COLEC12: variants seen among roughly 807,000 people sequenced by gnomAD.
COLEC12 encodes the protein collectin subfamily member 12, also known as collectin-12.
Under a neutral mutation model 71.1 loss-of-function variants are expected in COLEC12, and 33 were observed. The ratio of observed to expected loss-of-function variants is 0.46; its 90% confidence interval spans 0.35 to 0.62. The LOEUF (loss-of-function observed/expected upper bound fraction) is 0.62. Ranked by LOEUF, COLEC12 falls within the 20% of genes least tolerant of loss-of-function variation. The pLI is 0.00. For missense variants in COLEC12, 765 were observed against 916.1 expected, an observed-to-expected ratio of 0.84 and a Z score of 2.13; for synonymous variants, 350 against 353.0, an observed-to-expected ratio of 0.99 and a Z score of 0.10.
At chr18:383,698 T>C (rs893774112) in intron 2 of COLEC12, among the ~76,000 whole-genome samples, 1 of 152,144 alleles carries the variant, frequency 6.6e-6, no homozygotes, top group African/African-American at 2.4e-5. Context: ...TACCTGGGTA[T>C]CCATCAACGC....
intron 3 of COLEC12, among the ~76,000 whole-genome samples, chr18:350,240 A>G (rs1914480858): frequency 6.6e-6 from 1 of 152,160 alleles, no homozygotes; most frequent in Admixed American, 6.5e-5. Flanking sequence ...ATGGTAGTGA[A>G]TAAGTCTCAC....
chr18:432,384 T>A (rs958710195), intron 2 of COLEC12, among the ~76,000 whole-genome samples: 1 of 152,074 alleles, frequency 6.6e-6, no homozygotes, highest in Non-Finnish European at 1.5e-5. Context: ...AAGGAACCGA[T>A]GTCTAGGAAT....
chr18:458,015 T>C (rs1280840206), intron 2 of COLEC12, among the ~76,000 whole-genome samples: 1 of 152,198 alleles, frequency 6.6e-6, no homozygotes, highest in Non-Finnish European at 1.5e-5. Context: ...AAGCACTGCA[T>C]TTTCTTTGTG....
intron 1 of COLEC12, among the ~76,000 whole-genome samples, chr18:484,110 T>C (rs1917476130): frequency 1.3e-5 from 2 of 152,236 alleles, no homozygotes; most frequent in African/African-American, 4.8e-5. Context: ...CCCCAAAAGC[T>C]TCATTTCAGC....
intron 2 of COLEC12, among the ~76,000 whole-genome samples, chr18:389,229 C>CG (rs1915409753): frequency 6.7e-6 from 1 of 150,170 alleles, no homozygotes; most frequent in Admixed American, 6.6e-5. Context: ...ACACACACGG[C>CG]CATGATATAG....
chr18:404,029 A>G (rs2143621212), intron 2 of COLEC12, among the ~76,000 whole-genome samples: 1 of 152,366 alleles, frequency 6.6e-6, no homozygotes, highest in South Asian at 2.1e-4. Flanking sequence ...TAAAATGAAG[A>G]TAGCAAAAAC....
At chr18:358,806 T>C (rs1914682784) in intron 2 of COLEC12, among the ~76,000 whole-genome samples, 1 of 152,212 alleles carries the variant, frequency 6.6e-6, no homozygotes, top group Non-Finnish European at 1.5e-5. Flanking sequence ...GTTACTGTAC[T>C]GACAGGCAAC....
intron 1 of COLEC12, among the ~76,000 whole-genome samples, chr18:498,599 G>A (rs1917758451): frequency 6.6e-6 from 1 of 152,028 alleles, no homozygotes; most frequent in African/African-American, 2.4e-5. Flanking sequence ...GACTTCGAGT[G>A]ATCTTGCCCA....
In COLEC12 at chr18:319,881, G is replaced by C. The variant is rs1162095772; in HGVS notation, c.*164C>G. 3.2e-6 allele frequency: 2 copies of C among 632,028 alleles called. No individual in the cohort carries two copies. Among genetic ancestry groups the C allele is most frequent in the Admixed American group, 3.5e-5 (1 of 28,452 alleles). The allele number at this position is 632,028 out of a possible 1,614,324, so 39.2% of individuals were successfully genotyped here. A position where few individuals can be genotyped will look rare whatever the true frequency, so the allele number is the denominator to read the frequency against. ...GGAACATTTTAGTTCCCAAGTCTTT[G>C]GGTAATGACGGATGGTAAAAAACAC... On this transcript the variant is annotated 3_prime_UTR_variant, in exon 10 of 10. Coordinates refer to ENST00000400256, the MANE Select transcript of COLEC12 (RefSeq NM_130386.3).
At chr18:460,970 G>A (rs1413744978) in intron 2 of COLEC12, among the ~76,000 whole-genome samples, 1 of 152,212 alleles carries the variant, frequency 6.6e-6, no homozygotes, top group Non-Finnish European at 1.5e-5. Flanking sequence ...TTGAATGAAG[G>A]TTGGTTGGTT....
intron 1 of COLEC12, among the ~76,000 whole-genome samples, chr18:497,027 C>T (rs1388815960): frequency 2.0e-5 from 3 of 152,134 alleles, no homozygotes; most frequent in Admixed American, 1.3e-4. Flanking sequence ...TTAAAACAAA[C>T]TTCATGTTTT....
chr18:435,857 C>T (rs1290797720), intron 2 of COLEC12, among the ~76,000 whole-genome samples: 2 of 152,112 alleles, frequency 1.3e-5, no homozygotes, highest in African/African-American at 4.8e-5. Flanking sequence ...TGAAGAATTT[C>T]CTGGAACTTT....
chr18:358,070 A>G (rs1914666117), intron 2 of COLEC12, among the ~76,000 whole-genome samples: 2 of 152,212 alleles, frequency 1.3e-5, no homozygotes, highest in East Asian at 3.9e-4. Flanking sequence ...GAATCTGACT[A>G]ATGCCTGATG....
chr18:338,344 G>A (rs1914166087), intron 5 of COLEC12, among the ~76,000 whole-genome samples: 1 of 152,200 alleles, frequency 6.6e-6, no homozygotes. Context: ...GCGCATCATG[G>A]TTAAAAAGTC....
intron 2 of COLEC12, among the ~76,000 whole-genome samples, chr18:367,922 C>T (rs1370820147): frequency 6.6e-6 from 1 of 151,668 alleles, no homozygotes; most frequent in Non-Finnish European, 1.5e-5. Flanking sequence ...GATGCTGTCT[C>T]TACCAAAACA....
rs747823325 is a variant in COLEC12 at position 347,276 on chromosome 18, G to A, written c.346C>T (p.Leu116=). The A allele has an allele frequency of 6.2e-7, 1 of 1,614,136 alleles. No individual in the cohort carries two copies. Among genetic ancestry groups the A allele is most frequent in the East Asian group, 2.2e-5 (1 of 44,886 alleles). The change falls in exon 5 of 10, where the codon CTA becomes TTA. Residue 116 remains leucine, a synonymous_variant. Coordinates refer to ENST00000400256, the MANE Select transcript of COLEC12 (RefSeq NM_130386.3). ...TCACGAAGTTGCTGACGGAGATCTA[G>A]AATGTCTGATCTGAAGGTGGAGAGT... ...SELSTFRSDI[L]DLRQQLREIT... is the part of the protein sequence containing the mutation.
chr18:354,692 A>G (rs1245753152), intron 3 of COLEC12, among the ~76,000 whole-genome samples: 1 of 152,230 alleles, frequency 6.6e-6, no homozygotes, highest in African/African-American at 2.4e-5. Context: ...GCACATCTGG[A>G]AAATATCAAC....
At position 399,629 on chromosome 18, in the gene COLEC12, T is replaced by C. The variant is rs1915640335; in HGVS notation, c.59-42107A>G. 6.6e-6 allele frequency among the ~76,000 whole-genome samples: 1 copy of C among 152,208 alleles called. No homozygotes were observed. The highest frequency in any genetic ancestry group is 6.5e-5 in the Admixed American group (1 of 15,280). On this transcript the variant is annotated intron_variant, in intron 2 of 9. Coordinates refer to ENST00000400256, the MANE Select transcript of COLEC12 (RefSeq NM_130386.3). The surrounding 1 kb of genome is among the most constrained non-coding windows in gnomAD (Gnocchi z 4.0). The stretch of plus-strand genomic sequence containing the variant: ...AAGTCTCCCTGGCAGGTTATTTGCT[T>C]GAGTTTTAATCTGAGTTAAAATGCA...
intron 8 of COLEC12, among the ~76,000 whole-genome samples, chr18:324,585 T>C (rs1598325074): frequency 1.3e-5 from 2 of 152,116 alleles, no homozygotes; most frequent in African/African-American, 4.8e-5. Context: ...TCCCAGCACT[T>C]TGGGAGGCCG....
Sources: allele counts gnomAD v4.1 joint callset (sites outside exome capture counted in the v4.1 genomes callset), GRCh38; gene constraint gnomAD v4.1.1; non-coding constraint Gnocchi (gnomAD v3.1); transcripts MANE v1.5; gene names NCBI Gene and HGNC (gene_info 2026-07-23, HGNC 2026-07-21).